The following CSMD1 variants were observed in gnomAD, a reference collection of about 807,000 sequenced individuals.
CSMD1 encodes CUB and Sushi multiple domains 1.
In CSMD1, 213 loss-of-function variants were observed where a neutral mutation model predicts 417.5. That is an observed-to-expected ratio of 0.51 (90% CI 0.46 to 0.57). CSMD1 has a LOEUF of 0.57. CSMD1 is among the 20% of genes least tolerant of loss of function. The pLI is 0.00. For synonymous variants in CSMD1, 2,862 were observed against 1,736.8 expected, an observed-to-expected ratio of 1.65 and a Z score of -16.11; for missense variants, 6,923 against 4,529.7, an observed-to-expected ratio of 1.53 and a Z score of -15.17.
At chr8:3,529,861 T>C (rs927627279) in intron 10 of CSMD1, among the ~76,000 whole-genome samples, 3 of 152,178 alleles carry the variant, frequency 2.0e-5, no homozygotes, top group Admixed American at 6.5e-5. Context: ...AATAAATTAA[T>C]TATAGCAAGA....
At chr8:4,288,920 A>G (rs557728596) in intron 3 of CSMD1, among the ~76,000 whole-genome samples, 15 of 152,318 alleles carry the variant, frequency 9.8e-5, no homozygotes, top group Non-Finnish European at 1.6e-4. Flanking sequence ...TCCTCATTCC[A>G]TATATAACAT....
At chr8:4,437,408 G>C (rs553495886) in intron 2 of CSMD1, among the ~76,000 whole-genome samples, 1 of 152,134 alleles carries the variant, frequency 6.6e-6, no homozygotes, top group Admixed American at 6.5e-5. Context: ...CTAGCAAAGT[G>C]AGCCACATTT....
chr8:3,315,160 T>A (rs1453057015), intron 23 of CSMD1, among the ~76,000 whole-genome samples: 1 of 152,144 alleles, frequency 6.6e-6, no homozygotes, highest in Non-Finnish European at 1.5e-5. Context: ...GACTCTCATG[T>A]GAAAAAAAGG....
Position 3,178,544 on chromosome 8 carries a change from G to T in CSMD1, c.5725+2566C>A, listed in dbSNP as rs79511103. On this transcript the variant is annotated intron_variant, in intron 37 of 69. Coordinates refer to ENST00000635120, the MANE Select transcript of CSMD1 (RefSeq NM_033225.6). ...ATTCGTAATAAAATGCACTTTTCAT[G>T]CCTGCCTCTGCATGCCATCTGTTAT... Among the ~76,000 whole-genome samples, 1,023 of 152,242 alleles carry T rather than the reference G, an allele frequency of 6.7e-3. 12 individuals are homozygous for T. Among genetic ancestry groups the T allele is most frequent in the African/African-American group, 0.024 (989 of 41,518 alleles).
intron 1 of CSMD1, among the ~76,000 whole-genome samples, chr8:4,884,694 A>C (rs1783417692): frequency 6.6e-6 from 1 of 152,092 alleles, no homozygotes; most frequent in African/African-American, 2.4e-5. Context: ...ATAAGGGTTT[A>C]TTTTTGGACT....
intron 5 of CSMD1, among the ~76,000 whole-genome samples, chr8:3,861,365 T>C (rs902859738): frequency 2.0e-5 from 3 of 152,228 alleles, no homozygotes; most frequent in Non-Finnish European, 4.4e-5. Flanking sequence ...AAGTAAAATA[T>C]GAGCTGTCTT....
chr8:4,774,482 TA>T (rs546918646), intron 1 of CSMD1, among the ~76,000 whole-genome samples: 126 of 152,298 alleles, frequency 8.3e-4, no homozygotes, highest in African/African-American at 2.6e-3. Context: ...ATATGCTTGA[TA>T]TTTTTTTACA....
Position 4,800,763 on chromosome 8 carries a change from T to G in CSMD1, c.86-163205A>C, listed in dbSNP as rs112778106. ...CTGGCCACTTTGGTGGGATGGGCTT[T>G]TGGGTGAGACACCACCTAGGAGGTG... On this transcript the variant is annotated intron_variant, in intron 1 of 69. Transcript: ENST00000635120. 3.7e-3 allele frequency among the ~76,000 whole-genome samples: 561 copies of G among 152,276 alleles called. 9 individuals carry two copies. The highest frequency in any genetic ancestry group is 0.013 in the African/African-American group (523 of 41,568).
At chr8:3,889,492 TA>T (rs56720024) in intron 5 of CSMD1, among the ~76,000 whole-genome samples, 82 of 63,074 alleles carry the variant, frequency 1.3e-3, no homozygotes, top group Non-Finnish European at 1.6e-3. Context: ...TATATATATA[TA>T]AAATATGCTC....
At chr8:4,186,353 A>C (rs542022199) in intron 3 of CSMD1, among the ~76,000 whole-genome samples, 1 of 152,230 alleles carries the variant, frequency 6.6e-6, no homozygotes, top group African/African-American at 2.4e-5. Context: ...CCCTGGGCTG[A>C]TTCCTATCTT....
At chr8:3,996,595 T>C (rs143378064) in intron 5 of CSMD1, among the ~76,000 whole-genome samples, 461 of 152,272 alleles carry the variant, frequency 3.0e-3, no homozygotes, top group Non-Finnish European at 5.4e-3. Context: ...CATAGCGAGA[T>C]AGGTAATAAT....
intron 2 of CSMD1, among the ~76,000 whole-genome samples, chr8:4,568,021 A>C (rs1388181463): frequency 6.6e-6 from 1 of 152,250 alleles, no homozygotes. Flanking sequence ...ATCAGAGCCC[A>C]TTCTAAAATG....
intron 5 of CSMD1, among the ~76,000 whole-genome samples, chr8:3,966,384 G>A (rs1000083048): frequency 1.3e-5 from 2 of 151,964 alleles, no homozygotes; most frequent in African/African-American, 4.8e-5. Flanking sequence ...CTTGCGTCTT[G>A]AAAACAATTC....
At chr8:4,059,424 G>A (rs140933835) in intron 3 of CSMD1, among the ~76,000 whole-genome samples, 5,722 of 152,058 alleles carry the variant, frequency 0.038, 276 homozygotes, top group African/African-American at 0.12. Context: ...CTAGCAGAAG[G>A]CAAGAAATAA....
chr8:4,081,575 C>G (rs927431013), intron 3 of CSMD1, among the ~76,000 whole-genome samples: 3 of 152,164 alleles, frequency 2.0e-5, no homozygotes, highest in East Asian at 1.9e-4. Flanking sequence ...CTAGTTGACC[C>G]AGAACACTAT....
chr8:2,976,542 T>G (rs960495178), intron 55 of CSMD1, among the ~76,000 whole-genome samples: 1 of 152,062 alleles, frequency 6.6e-6, no homozygotes, highest in Non-Finnish European at 1.5e-5. Flanking sequence ...AGAGATGGAG[T>G]CTGGCTAGGT....
chr8:4,018,337 C>A (rs1319194304), intron 4 of CSMD1, among the ~76,000 whole-genome samples: 1 of 152,162 alleles, frequency 6.6e-6, no homozygotes, highest in Non-Finnish European at 1.5e-5. Flanking sequence ...AATGTGTATT[C>A]ATTTTCATCC....
intron 12 of CSMD1, among the ~76,000 whole-genome samples, chr8:3,456,984 G>A (rs1816190495): frequency 6.6e-6 from 1 of 151,184 alleles, no homozygotes; most frequent in African/African-American, 2.4e-5. Flanking sequence ...TCATCCCATA[G>A]CCCCTCATTT....
At chr8:4,696,665 T>C (rs1017125088) in intron 1 of CSMD1, among the ~76,000 whole-genome samples, 12 of 152,228 alleles carry the variant, frequency 7.9e-5, no homozygotes, top group Non-Finnish European at 4.4e-5. Flanking sequence ...TCTTTTATTG[T>C]TGTCTTTATC....
Sources: gnomAD v4.1 joint callset for allele counts (sites outside exome capture counted in the v4.1 genomes callset) on GRCh38, gnomAD v4.1.1 for gene constraint, MANE v1.5 for transcripts, NCBI Gene and HGNC (gene_info 2026-07-23, HGNC 2026-07-21) for gene names.